The following ROBO2 variants were observed in gnomAD, a reference collection of about 807,000 sequenced individuals.
The protein encoded by ROBO2 is roundabout guidance receptor 2.
In ROBO2, 53 loss-of-function variants were observed where a neutral mutation model predicts 160.8. The observed-to-expected ratio is 0.33, with a 90% CI of 0.26 to 0.41. The LOEUF (loss-of-function observed/expected upper bound fraction) is 0.41. Among genes scored for constraint, ROBO2 ranks in the 10% least tolerant of loss-of-function variants. ROBO2 has a pLI of 1.00. For synonymous variants in ROBO2, 664 were observed against 611.7 expected (o/e 1.09, Z -1.26); for missense variants, 1,577 against 1,722.4 (o/e 0.92, Z 1.49).
chr3:77,215,906 A>T (rs1560259204), intron 2 of ROBO2, among the ~76,000 whole-genome samples: 1 of 152,156 alleles, frequency 6.6e-6, no homozygotes, highest in Non-Finnish European at 1.5e-5. Flanking sequence ...ATATTGGTGA[A>T]CAGCAAATGT....
intron 2 of ROBO2, among the ~76,000 whole-genome samples, chr3:76,587,408 C>T (rs1165070366): frequency 6.6e-6 from 1 of 152,122 alleles, no homozygotes; most frequent in Non-Finnish European, 1.5e-5. Context: ...AATTGACTCA[C>T]AGTTCCACAG....
At chr3:76,865,950 C>A (rs989968219) in intron 2 of ROBO2, among the ~76,000 whole-genome samples, 1 of 152,058 alleles carries the variant, frequency 6.6e-6, no homozygotes, top group African/African-American at 2.4e-5. Flanking sequence ...ACATAAAAAT[C>A]GAGCTACTTA....
intron 2 of ROBO2, among the ~76,000 whole-genome samples, chr3:76,628,265 A>G (rs6769345): frequency 0.025 from 3,775 of 151,092 alleles, 158 homozygotes; most frequent in African/African-American, 0.088. Context: ...TCTTTTTTTT[A>G]TTGAGACAGG....
intron 5 of ROBO2, among the ~76,000 whole-genome samples, chr3:77,521,024 T>C (rs2090538012): frequency 6.6e-6 from 1 of 151,296 alleles, no homozygotes; most frequent in Non-Finnish European, 1.5e-5. Flanking sequence ...ATATGTATCA[T>C]GTATTCACCA....
chr3:77,004,880 A>G (rs1002123561), intron 2 of ROBO2, among the ~76,000 whole-genome samples: 1 of 152,124 alleles, frequency 6.6e-6, no homozygotes, highest in South Asian at 2.1e-4. Flanking sequence ...AGTATTCCCC[A>G]GAATTACCAC....
chr3:76,182,751 G>C (rs1485130877), intron 2 of ROBO2, among the ~76,000 whole-genome samples: 1 of 152,068 alleles, frequency 6.6e-6, no homozygotes, highest in Non-Finnish European at 1.5e-5. Flanking sequence ...TCCTTCCTTG[G>C]ACTGCATACT....
chr3:77,598,487 GTA>G (rs369073693), intron 19 of ROBO2, among the ~76,000 whole-genome samples: 82 of 136,752 alleles, frequency 6.0e-4, no homozygotes, highest in Middle Eastern at 7.8e-3. Flanking sequence ...TATATAGTGT[GTA>G]TATATATATA....
At chr3:76,640,551 A>AAATAAATG (rs774622341) in intron 2 of ROBO2, among the ~76,000 whole-genome samples, 1 of 64,682 alleles carries the variant, frequency 1.5e-5, no homozygotes, top group South Asian at 7.2e-4. Flanking sequence ...ATAAATAAAT[A>AAATAAATG]AATAAATAAA....
At chr3:76,722,249 T>TA (rs2093477003) in intron 2 of ROBO2, among the ~76,000 whole-genome samples, 1 of 152,116 alleles carries the variant, frequency 6.6e-6, no homozygotes, top group African/African-American at 2.4e-5. Flanking sequence ...GTCTCCCAAG[T>TA]AGCCGGGATT....
At chr3:76,204,048 T>C (rs1702686732) in intron 2 of ROBO2, among the ~76,000 whole-genome samples, 2 of 152,190 alleles carry the variant, frequency 1.3e-5, no homozygotes, top group Admixed American at 6.6e-5. Context: ...ATATCATCTG[T>C]TTCCTGCCTG....
intron 2 of ROBO2, among the ~76,000 whole-genome samples, chr3:76,627,957 C>T (rs1159854238): frequency 1.3e-5 from 2 of 151,938 alleles, no homozygotes; most frequent in African/African-American, 4.8e-5. Context: ...CCAAAAATGG[C>T]AGGAATGGTT....
intron 2 of ROBO2, among the ~76,000 whole-genome samples, chr3:77,438,759 C>A (rs1301529256): frequency 6.6e-6 from 1 of 151,974 alleles, no homozygotes; most frequent in African/African-American, 2.4e-5. Context: ...AGATTTGACC[C>A]ACAGGGTGTT....
At chr3:76,901,874 A>G (rs549331533) in intron 2 of ROBO2, among the ~76,000 whole-genome samples, 2 of 152,044 alleles carry the variant, frequency 1.3e-5, no homozygotes, top group South Asian at 2.1e-4. Context: ...GTTTGGTTCA[A>G]TCCTAACTTT....
At chr3:76,231,855 A>T (rs1704639536) in intron 2 of ROBO2, among the ~76,000 whole-genome samples, 1 of 152,258 alleles carries the variant, frequency 6.6e-6, no homozygotes. Context: ...AAAACAGATT[A>T]ATTCTGAATA....
intron 2 of ROBO2, among the ~76,000 whole-genome samples, chr3:76,388,073 C>A (rs72898510): frequency 0.048 from 7,268 of 152,152 alleles, 411 homozygotes; most frequent in African/African-American, 0.13. Flanking sequence ...TAGGAGAACT[C>A]TTTTTTGTTC....
intron 2 of ROBO2, among the ~76,000 whole-genome samples, chr3:76,885,208 G>A (rs1420865008): frequency 1.3e-5 from 2 of 152,024 alleles, no homozygotes; most frequent in Non-Finnish European, 2.9e-5. Context: ...TATTTCTGTG[G>A]GTAATTTTAC....
At chr3:76,418,202 AG>A (rs765588650) in intron 2 of ROBO2, among the ~76,000 whole-genome samples, 27 of 151,850 alleles carry the variant, frequency 1.8e-4, no homozygotes, top group Middle Eastern at 3.4e-3. Context: ...ATACCAAATA[AG>A]GTCACTATAT....
chr3:76,997,416 G>C (rs1469811372), intron 2 of ROBO2, among the ~76,000 whole-genome samples: 1 of 152,030 alleles, frequency 6.6e-6, no homozygotes, highest in Non-Finnish European at 1.5e-5. Context: ...GTCAGTTGTG[G>C]GGTCTAATGT....
intron 2 of ROBO2, among the ~76,000 whole-genome samples, chr3:77,298,174 G>C (rs1259217246): frequency 6.6e-6 from 1 of 152,084 alleles, no homozygotes; most frequent in Non-Finnish European, 1.5e-5. Flanking sequence ...AAAATTCTCA[G>C]CATGAATTGA....
Sources: allele counts gnomAD v4.1 joint callset (sites outside exome capture counted in the v4.1 genomes callset), GRCh38; gene constraint gnomAD v4.1.1; transcripts MANE v1.5; gene names NCBI Gene and HGNC (gene_info 2026-07-23, HGNC 2026-07-21).